Variants in CNTN5 observed in about 807,000 individuals in gnomAD.
The protein encoded by CNTN5 is contactin-5.
In CNTN5, 77 loss-of-function variants were observed where a neutral mutation model predicts 129.1. The ratio of observed to expected loss-of-function variants is 0.60; its 90% CI spans 0.50 to 0.72. CNTN5 has a LOEUF of 0.72. Ranked by LOEUF, CNTN5 falls within the 30% of genes least tolerant of loss-of-function variation. The pLI is 0.00. For synonymous variants in CNTN5, 509 were observed against 465.6 expected (o/e 1.09, Z -1.20); for missense variants, 1,478 against 1,328.8 (o/e 1.11, Z -1.75).
At chr11:99,794,392 C>G (rs1364987973) in intron 3 of CNTN5, among the ~76,000 whole-genome samples, 2 of 151,894 alleles carry the variant, frequency 1.3e-5, no homozygotes, top group African/African-American at 4.8e-5. Flanking sequence ...CCATTCTGTG[C>G]CTTTTATTGG....
At chr11:100,211,681 G>T (rs973616741) in intron 15 of CNTN5, among the ~76,000 whole-genome samples, 1 of 152,274 alleles carries the variant, frequency 6.6e-6, no homozygotes, top group African/African-American at 2.4e-5. Context: ...ATCTTTAGTT[G>T]ATGGTAAACA....
chr11:99,987,380 T>G (rs1938751046), intron 8 of CNTN5, among the ~76,000 whole-genome samples: 1 of 151,914 alleles, frequency 6.6e-6, no homozygotes. Context: ...AAAAGAAAAA[T>G]AATGAACAAT....
intron 8 of CNTN5, among the ~76,000 whole-genome samples, chr11:100,001,025 G>A (rs1412326130): frequency 6.6e-6 from 1 of 152,224 alleles, no homozygotes; most frequent in Admixed American, 6.5e-5. Flanking sequence ...CCTGTGATGA[G>A]AGGGGCTGCT....
chr11:100,046,027 T>C (rs896667434), intron 9 of CNTN5, among the ~76,000 whole-genome samples: 2 of 151,544 alleles, frequency 1.3e-5, no homozygotes, highest in African/African-American at 4.9e-5. Flanking sequence ...TACATATGTA[T>C]ACATGGGCCA....
At chr11:99,932,272 A>C (rs1248558526) in intron 7 of CNTN5, among the ~76,000 whole-genome samples, 1 of 151,914 alleles carries the variant, frequency 6.6e-6, no homozygotes, top group Non-Finnish European at 1.5e-5. Context: ...GGCTCACTGC[A>C]ACCTTCGCCT....
Position 99,072,011 on chromosome 11 carries a change from A to G in CNTN5, c.-210+50741A>G, listed in dbSNP as rs191367416. ...AACTTTTTCACAACACATTTAACAA[A>G]TGATCCCAAAAGAAAATTAGCTGAT... On this transcript the variant is annotated intron_variant, in intron 1 of 24. Transcript: ENST00000524871. Among the ~76,000 whole-genome samples the G allele has an allele frequency of 7.2e-5, 11 of 152,292 alleles. No homozygotes were observed. In the East Asian group the frequency reaches 2.1e-3, roughly 29 times the overall value.
At chr11:99,105,800 A>G (rs1336847627) in intron 1 of CNTN5, among the ~76,000 whole-genome samples, 4 of 152,308 alleles carry the variant, frequency 2.6e-5, no homozygotes, top group Middle Eastern at 3.4e-3. Flanking sequence ...ATTAATAAGG[A>G]AACCCTAGCA....
intron 13 of CNTN5, among the ~76,000 whole-genome samples, chr11:100,171,715 T>C (rs963313007): frequency 1.3e-5 from 2 of 152,024 alleles, no homozygotes; most frequent in African/African-American, 4.8e-5. Flanking sequence ...AGCTTTATTG[T>C]GTTTGGTTTT....
intron 9 of CNTN5, among the ~76,000 whole-genome samples, chr11:100,041,134 C>G (rs780535089): frequency 3.9e-5 from 6 of 152,048 alleles, no homozygotes; most frequent in Non-Finnish European, 8.8e-5. Context: ...TTTTCAGTAT[C>G]TTAAATACAC....
intron 9 of CNTN5, among the ~76,000 whole-genome samples, chr11:100,016,312 G>C (rs770597): frequency 0.42 from 63,671 of 151,842 alleles, 13,656 homozygotes; most frequent in East Asian, 0.55. Flanking sequence ...AGTAACATAA[G>C]TTTTATCTAT....
chr11:99,255,144 A>G (rs753317866), intron 1 of CNTN5, among the ~76,000 whole-genome samples: 5 of 152,052 alleles, frequency 3.3e-5, no homozygotes, highest in South Asian at 4.1e-4. Context: ...CCTGTGCATT[A>G]CTTGAATAGA....
At chr11:99,158,284 A>G (rs1423114034) in intron 1 of CNTN5, among the ~76,000 whole-genome samples, 1 of 152,146 alleles carries the variant, frequency 6.6e-6, no homozygotes, top group African/African-American at 2.4e-5. Flanking sequence ...TCTGTATGTC[A>G]GGCAAAGAAC....
intron 9 of CNTN5, among the ~76,000 whole-genome samples, chr11:100,037,611 C>G (rs1202272159): frequency 3.3e-5 from 5 of 151,984 alleles, no homozygotes; most frequent in East Asian, 1.9e-4. Flanking sequence ...ACTCTTTTTG[C>G]TTGGTAAACT....
At chr11:99,285,389 C>T (rs193200637) in intron 1 of CNTN5, among the ~76,000 whole-genome samples, 32 of 152,086 alleles carry the variant, frequency 2.1e-4, no homozygotes, top group East Asian at 1.9e-3. Context: ...CCATCAGCCA[C>T]GGGTATCTGG....
intron 10 of CNTN5, among the ~76,000 whole-genome samples, chr11:100,067,754 T>C (rs1166473738): frequency 6.6e-6 from 1 of 152,026 alleles, no homozygotes; most frequent in Non-Finnish European, 1.5e-5. Flanking sequence ...CACTAGAGTT[T>C]GAGCTTACAG....
chr11:100,098,777 C>T (rs575257889), intron 13 of CNTN5, among the ~76,000 whole-genome samples: 15 of 152,168 alleles, frequency 9.9e-5, no homozygotes, highest in Admixed American at 9.8e-4. Context: ...TTTGGCTGAC[C>T]TTGGCTGGTA....
At chr11:99,234,227 G>T (rs1391747802) in intron 1 of CNTN5, among the ~76,000 whole-genome samples, 1 of 152,168 alleles carries the variant, frequency 6.6e-6, no homozygotes, top group Non-Finnish European at 1.5e-5. Context: ...GAGTGAGAAT[G>T]ATAGTTATCA....
intron 1 of CNTN5, among the ~76,000 whole-genome samples, chr11:99,048,467 A>T (rs1377185010): frequency 6.6e-6 from 1 of 152,152 alleles, no homozygotes; most frequent in East Asian, 1.9e-4. Context: ...TACTTCATAT[A>T]AATTTTCACA....
chr11:99,729,359 C>T (rs1022425641), intron 3 of CNTN5, among the ~76,000 whole-genome samples: 2 of 152,074 alleles, frequency 1.3e-5, no homozygotes, highest in African/African-American at 2.4e-5. Context: ...TAGGTAAACT[C>T]ATGTCACGGG....
Sources: gnomAD v4.1 joint callset for allele counts (sites outside exome capture counted in the v4.1 genomes callset) on GRCh38, gnomAD v4.1.1 for gene constraint, MANE v1.5 for transcripts, NCBI Gene and HGNC (gene_info 2026-07-23, HGNC 2026-07-21) for gene names.